DOCK1: variants seen among roughly 807,000 people sequenced by gnomAD.
The protein encoded by DOCK1 is dedicator of cytokinesis 1, also known as dedicator of cytokinesis protein 1.
Under a neutral mutation model 262.7 loss-of-function variants are expected in DOCK1, and 138 were observed. The observed-to-expected ratio is 0.53, with a 90% CI of 0.46 to 0.61. DOCK1 has a LOEUF of 0.61. DOCK1 is among the 20% of genes least tolerant of loss of function. The pLI, the probability that DOCK1 is intolerant of heterozygous loss-of-function variation, is 0.00. For missense variants in DOCK1, 1,908 were observed against 2,370.7 expected (o/e 0.80, Z 4.05); for synonymous variants, 866 against 867.4 (o/e 1.00, Z 0.03).
chr10:127,319,005 G>C (rs903540186), intron 29 of DOCK1, among the ~76,000 whole-genome samples: 1 of 152,204 alleles, frequency 6.6e-6, no homozygotes, highest in African/African-American at 2.4e-5. Flanking sequence ...GGTCCCCTCT[G>C]TGACTTGCTC....
At chr10:126,923,159 G>A (rs893811788) in intron 1 of DOCK1, among the ~76,000 whole-genome samples, 1 of 152,210 alleles carries the variant, frequency 6.6e-6, no homozygotes, top group Admixed American at 6.5e-5. Flanking sequence ...CTTATGGGCA[G>A]TATAAAGCTA....
In DOCK1 at chr10:127,043,060, A is replaced by G. The variant is rs1307682884; in HGVS notation, c.2101-4A>G. The stretch of plus-strand genomic sequence containing the variant: ...AATGAAAATATTATTGATTAATTTG[A>G]CAGGTATTTATCATTGGACTGATTG... On this transcript the variant is annotated splice_polypyrimidine_tract_variant and splice_region_variant and intron_variant, in intron 20 of 51. Transcript: ENST00000623213. 1 of 1,590,126 alleles carries G rather than the reference A, an allele frequency of 6.3e-7. No individual in the cohort carries two copies. The highest frequency in any genetic ancestry group is 8.6e-7 in the Non-Finnish European group (1 of 1,164,870).
Position 127,175,333 on chromosome 10 carries a change from C to G in DOCK1, c.2847+47569C>G, listed in dbSNP as rs1417993265. On this transcript the variant is annotated intron_variant, in intron 27 of 51. Transcript: ENST00000623213. The surrounding 1 kb of genome is among the most constrained non-coding windows in gnomAD (Gnocchi z 6.3). ...TGAAGTTGTGCTTTGAGGTCGACCA[C>G]TTCCGTATGAGGCACGATTCGTTGG... The G allele has an allele frequency of 1.2e-6, 2 of 1,614,190 alleles. No homozygotes were observed. The highest frequency in any genetic ancestry group is 2.2e-5 in the East Asian group (1 of 44,872).
chr10:127,247,372 C>T (rs2059466997), intron 27 of DOCK1, among the ~76,000 whole-genome samples: 1 of 152,122 alleles, frequency 6.6e-6, no homozygotes, highest in South Asian at 2.1e-4. Flanking sequence ...GAGAATTGGG[C>T]CATAACTCAT....
At chr10:127,025,119 G>A (rs572326603) in intron 15 of DOCK1, 1 of 178,024 alleles carries the variant, frequency 5.6e-6, no homozygotes, top group South Asian at 1.6e-4. Flanking sequence ...AGCCTGTGGA[G>A]GTCATTGCTG....
chr10:127,243,645 G>A (rs1303504326), intron 27 of DOCK1, among the ~76,000 whole-genome samples: 1 of 152,188 alleles, frequency 6.6e-6, no homozygotes, highest in Non-Finnish European at 1.5e-5. Context: ...AGGGCTGGGG[G>A]TGTGCGGGGA....
intron 27 of DOCK1, among the ~76,000 whole-genome samples, chr10:127,205,974 C>T (rs1455818409): frequency 1.3e-5 from 2 of 152,076 alleles, no homozygotes; most frequent in Non-Finnish European, 2.9e-5. Flanking sequence ...GACTTATCAA[C>T]AAGTAAACCT....
rs570892180 is a variant in DOCK1 at position 127,012,445 on chromosome 10, T to C, written c.1201+71T>C. 3.2e-5 allele frequency: 46 copies of C among 1,423,218 alleles called. No homozygotes were observed. In the African/African-American group the frequency reaches 6.4e-4, roughly 20 times the overall value. The allele number at this position is 1,423,218 out of a possible 1,614,324, so 88.2% of individuals were successfully genotyped here. ...GTTGGGGCAGTGCTGTCTGGGTTGGTTTTAGTTTGATGTTGATCATGATGG... is the reference window on the plus strand; with the variant it reads ...GTTGGGGCAGTGCTGTCTGGGTTGGCTTTAGTTTGATGTTGATCATGATGG... On this transcript the variant is annotated intron_variant, in intron 12 of 51. Transcript: ENST00000623213. This position sits in a 1 kb window ranked among gnomAD's most constrained non-coding sequence, Gnocchi z 4.0.
chr10:127,109,384 A>AT (rs1371297495), intron 24 of DOCK1, among the ~76,000 whole-genome samples: 1 of 152,204 alleles, frequency 6.6e-6, no homozygotes, highest in Non-Finnish European at 1.5e-5. Context: ...AAATTGCTTT[A>AT]TTGTGGTATT....
intron 29 of DOCK1, among the ~76,000 whole-genome samples, chr10:127,287,196 T>G (rs1475086720): frequency 6.7e-6 from 1 of 149,518 alleles, no homozygotes; most frequent in Non-Finnish European, 1.5e-5. Context: ...CATGAGCCAC[T>G]GCGCCTGGCC....
At chr10:126,964,610 A>T (rs1185893743) in intron 1 of DOCK1, among the ~76,000 whole-genome samples, 5 of 152,268 alleles carry the variant, frequency 3.3e-5, no homozygotes, top group African/African-American at 1.2e-4. Context: ...ATTGACTTTA[A>T]AAGAATTAAT....
chr10:127,309,333 T>C (rs1383775946), intron 29 of DOCK1, among the ~76,000 whole-genome samples: 1 of 152,234 alleles, frequency 6.6e-6, no homozygotes, highest in East Asian at 1.9e-4. Context: ...AGATTCTGGA[T>C]ATCAGACCTT....
intron 29 of DOCK1, among the ~76,000 whole-genome samples, chr10:127,333,553 C>T (rs1392835760): frequency 6.6e-6 from 1 of 152,224 alleles, no homozygotes; most frequent in Admixed American, 6.5e-5. Context: ...GTTACTGGCA[C>T]ATGGCTTTCC....
intron 29 of DOCK1, among the ~76,000 whole-genome samples, chr10:127,325,021 A>G (rs925677790): frequency 1.6e-4 from 25 of 152,056 alleles, no homozygotes; most frequent in Non-Finnish European, 2.2e-4. Flanking sequence ...CACACATCCA[A>G]TCCACGCACA....
At chr10:127,044,223 A>G (rs2044196146) in intron 21 of DOCK1, among the ~76,000 whole-genome samples, 1 of 152,152 alleles carries the variant, frequency 6.6e-6, no homozygotes, top group Non-Finnish European at 1.5e-5. Context: ...GTGTGCAGTC[A>G]TGAACTCAGG....
At chr10:127,448,352 C>T (rs2070728134) in intron 51 of DOCK1, among the ~76,000 whole-genome samples, 1 of 152,206 alleles carries the variant, frequency 6.6e-6, no homozygotes, top group Non-Finnish European at 1.5e-5. Context: ...TAGTCAAAGT[C>T]ATGAAAAGCC....
chr10:126,911,779 T>C (rs1238077491), intron 1 of DOCK1, among the ~76,000 whole-genome samples: 1 of 152,190 alleles, frequency 6.6e-6, no homozygotes, highest in East Asian at 1.9e-4. Flanking sequence ...AACTAATTAA[T>C]GTATCTTAAG....
In DOCK1 at chr10:127,261,918, G is replaced by A. The variant is rs546091744; in HGVS notation, c.3044+4489G>A. ...TGTGTGTGCATGTGTGTGTGTACCCGTGCTCATCTGTGTGCATGTGGGTGT... is the reference window on the plus strand; with the variant it reads ...TGTGTGTGCATGTGTGTGTGTACCCATGCTCATCTGTGTGCATGTGGGTGT... On this transcript the variant is annotated intron_variant, in intron 29 of 51. Transcript: ENST00000623213. 1.5e-3 allele frequency among the ~76,000 whole-genome samples: 214 copies of A among 141,126 alleles called. 5 individuals are homozygous for A. The highest frequency in any genetic ancestry group is 5.3e-3 in the African/African-American group (196 of 36,892). 92.6% of individuals were successfully genotyped at this position (141,126 alleles called of 152,430 possible). A position where few individuals can be genotyped will look rare whatever the true frequency, so the allele number is the denominator to read the frequency against.
At chr10:127,204,062 G>C (rs935979999) in intron 27 of DOCK1, among the ~76,000 whole-genome samples, 1 of 151,890 alleles carries the variant, frequency 6.6e-6, no homozygotes, top group African/African-American at 2.4e-5. Flanking sequence ...CCTGTATCTC[G>C]GCAGTCACAG....
Sources: gnomAD v4.1 joint callset for allele counts (sites outside exome capture counted in the v4.1 genomes callset) on GRCh38, gnomAD v4.1.1 for gene constraint, Gnocchi (gnomAD v3.1) non-coding constraint, MANE v1.5 for transcripts, NCBI Gene and HGNC (gene_info 2026-07-23, HGNC 2026-07-21) for gene names.